Variants in RNASEH1 observed in about 807,000 individuals in gnomAD.
RNASEH1 encodes ribonuclease H type II.
In RNASEH1, 27 loss-of-function variants were observed where a neutral mutation model predicts 34.6. The observed-to-expected ratio is 0.78, with a 90% CI of 0.58 to 1.08. The LOEUF is 1.08. RNASEH1 is among the 50% of genes least tolerant of loss of function. RNASEH1 has a pLI of 0.00. For missense variants in RNASEH1, 349 were observed against 373.6 expected (o/e 0.93, Z 0.54); for synonymous variants, 162 against 138.4 (o/e 1.17, Z -1.20).
At chr2:3,556,308 G>GC (rs1372481369) in intron 2 of RNASEH1, among the ~76,000 whole-genome samples, 1 of 138,354 alleles carries the variant, frequency 7.2e-6, no homozygotes. Flanking sequence ...AACTATGTAA[G>GC]TTTTTTTTTT....
At chr2:3,550,548 C>G in intron 3 of RNASEH1, 76 bp from the exon 4 acceptor site, 1 of 1,097,282 alleles carries the variant, frequency 9.1e-7, no homozygotes, top group Non-Finnish European at 1.4e-6. Flanking sequence ...TCCACTAGGT[C>G]GACTTAGCAT....
At chr2:3,554,465 C>G (rs1660290658) in intron 2 of RNASEH1, among the ~76,000 whole-genome samples, 1 of 152,016 alleles carries the variant, frequency 6.6e-6, no homozygotes. Flanking sequence ...ACCATAAGAA[C>G]CAGTAAATAG....
chr2:3,556,671 A>G lies in RNASEH1; in HGVS notation c.244+118T>C, dbSNP rs1660533730. The G allele has an allele frequency of 2.8e-5, 18 of 652,320 alleles. 2 individuals carry two copies. The South Asian group carries it at 3.4e-4, about 12-fold the overall frequency. The allele number at this position is 652,320 out of a possible 1,614,324, so 40.4% of individuals were successfully genotyped here. ...GTCTGTTCCCTAATTTGTAAAATGAAAACAATCACACGAGGTTCCCTACAT... is the reference window on the plus strand; with the variant it reads ...GTCTGTTCCCTAATTTGTAAAATGAGAACAATCACACGAGGTTCCCTACAT... On this transcript the variant is annotated intron_variant, in intron 2 of 7. Coordinates refer to ENST00000315212, the MANE Select transcript of RNASEH1 (RefSeq NM_002936.6).
At position 3,545,754 on chromosome 2, in the gene RNASEH1, C is replaced by G; in HGVS notation, c.*31G>C. ...ACAGGCAGCAAGACAGCCGCTGGCT[C>G]AAGTTCTCCCAAGGACTAAAGTCAC... On this transcript the variant is annotated 3_prime_UTR_variant, in exon 8 of 8. Transcript: ENST00000315212. 1 of 1,517,108 alleles carries G rather than the reference C, an allele frequency of 6.6e-7. No individual in the cohort carries two copies. The highest frequency in any genetic ancestry group is 1.4e-5 in the African/African-American group (1 of 73,080). 94.0% of individuals were successfully genotyped at this position (1,517,108 alleles called of 1,614,324 possible). A position where few individuals can be genotyped will look rare whatever the true frequency, so the allele number is the denominator to read the frequency against.
rs760933993 is a variant in RNASEH1, at chr2:3,541,485, C to T, written c.*4300G>A. On this transcript the variant is annotated 3_prime_UTR_variant, in exon 8 of 8. Coordinates refer to ENST00000315212, the MANE Select transcript of RNASEH1 (RefSeq NM_002936.6). ...TTTTTATTTAGAAATTGGAAATAAT[C>T]GAAATATCGGTCAACAGGTAAATAA... Among the ~76,000 whole-genome samples, 3 of 152,052 alleles carry T rather than the reference C, an allele frequency of 2.0e-5. No individual in the cohort carries two copies. Among genetic ancestry groups the T allele is most frequent in the East Asian group, 1.9e-4 (1 of 5,194 alleles).
chr2:3,532,370 G>C, the RNASEH1 span: 985 of 702,164 alleles, frequency 1.4e-3, 10 homozygotes, highest in Middle Eastern at 0.011. Context: ...AGCCAGAGAG[G>C]GCCCGATCAG....
At chr2:3,554,183 G>A (rs762985382) in intron 2 of RNASEH1, among the ~76,000 whole-genome samples, 2 of 152,228 alleles carry the variant, frequency 1.3e-5, no homozygotes, top group African/African-American at 2.4e-5. Context: ...AACAGCTGGC[G>A]TTTCCACTGC....
Position 3,545,519 on chromosome 2 carries a change from A to G in RNASEH1, c.*266T>C. ...CCATTTGCCTTGCTTGCCTGCAATAAAACAAGCAAGGACAGTATTGAACCC... is the reference window on the plus strand; with the variant it reads ...CCATTTGCCTTGCTTGCCTGCAATAGAACAAGCAAGGACAGTATTGAACCC... On this transcript the variant is annotated 3_prime_UTR_variant, in exon 8 of 8. Transcript: ENST00000315212. 1 of 413,340 alleles carries G rather than the reference A, an allele frequency of 2.4e-6. No homozygotes were observed. Among genetic ancestry groups the G allele is most frequent in the South Asian group, 5.5e-5 (1 of 18,152 alleles). The allele number at this position is 413,340 out of a possible 1,614,324, so 25.6% of individuals were successfully genotyped here.
At chr2:3,552,065 C>T (rs1166098973) in intron 3 of RNASEH1, 79 bp downstream of exon 3, 1 of 1,168,954 alleles carries the variant, frequency 8.6e-7, no homozygotes, top group African/African-American at 1.6e-5. Context: ...AAACTCCCCC[C>T]ATCAAGTGGG....
chr2:3,532,238 A>T, the RNASEH1 span: 7 of 702,138 alleles, frequency 1.0e-5, no homozygotes, highest in Non-Finnish European at 1.8e-5. Context: ...CCGTCTGCAA[A>T]CATTTCTCAT....
chr2:3,555,627 C>T (rs1660414978), intron 2 of RNASEH1, among the ~76,000 whole-genome samples: 1 of 152,140 alleles, frequency 6.6e-6, no homozygotes, highest in African/African-American at 2.4e-5. Flanking sequence ...AGAGGCTGTT[C>T]AAGATAAGGT....
intron 7 of RNASEH1, among the ~76,000 whole-genome samples, chr2:3,546,829 A>T (rs1668798752): frequency 6.6e-6 from 1 of 152,222 alleles, no homozygotes; most frequent in South Asian, 2.1e-4. Context: ...TTTTTGTCAT[A>T]AAACAAAAAC....
chr2:3,548,883 T>C (rs978491895), intron 5 of RNASEH1, among the ~76,000 whole-genome samples, 159 bp from the exon 6 acceptor site: 3 of 152,192 alleles, frequency 2.0e-5, no homozygotes, highest in African/African-American at 7.2e-5. Flanking sequence ...AGACATCTAT[T>C]TGAAATAAGT....
intron 2 of RNASEH1, among the ~76,000 whole-genome samples, chr2:3,553,854 C>T (rs1660231029): frequency 6.6e-6 from 1 of 152,204 alleles, no homozygotes; most frequent in South Asian, 2.1e-4. Context: ...ACTCCGTCAA[C>T]TGAATTAAAC....
At chr2:3,555,687 G>T (rs930846454) in intron 2 of RNASEH1, among the ~76,000 whole-genome samples, 2 of 152,068 alleles carry the variant, frequency 1.3e-5, no homozygotes, top group African/African-American at 4.8e-5. Context: ...TAAAAAGTTT[G>T]TAAGTAACAT....
At chr2:3,546,125 C>T (rs1668726408) in intron 7 of RNASEH1, among the ~76,000 whole-genome samples, 1 of 152,202 alleles carries the variant, frequency 6.6e-6, no homozygotes, top group Admixed American at 6.5e-5. Context: ...CTATTTCCTC[C>T]CCACTTATCA....
At chr2:3,532,438 C>T in the RNASEH1 span, 9 of 685,668 alleles carry the variant, frequency 1.3e-5, no homozygotes, top group East Asian at 2.4e-4. Context: ...TCCCAAGGGG[C>T]CCCGTTACTC....
At position 3,558,162 on chromosome 2, in the gene RNASEH1, C is replaced by T. The variant is rs762723284; in HGVS notation, c.99G>A (p.Arg33=). The stretch of plus-strand genomic sequence containing the variant: ...TCAGAAAGACCCCGGTCTTGCGGCC[C>T]CTCCTCACGGCATAGAACATCCCGA... ...RGFGMFYAVR[R]GRKTGVFLTW... Residue 33 remains arginine (R), a synonymous_variant, in exon 1 of 8, where the codon AGG becomes AGA. Coordinates refer to ENST00000315212, the MANE Select transcript of RNASEH1 (RefSeq NM_002936.6). The T allele has an allele frequency of 4.1e-5, 65 of 1,603,100 alleles. No homozygotes were observed. The highest frequency in any genetic ancestry group is 8.5e-7 in the Non-Finnish European group (1 of 1,176,468).
At chr2:3,551,932 C>T (rs1435544727) in intron 3 of RNASEH1, among the ~76,000 whole-genome samples, 10 of 152,216 alleles carry the variant, frequency 6.6e-5, no homozygotes, top group Admixed American at 6.5e-4. Flanking sequence ...TGTTCATTTA[C>T]ATGTAAGGGT....
Sources: allele counts gnomAD v4.1 joint callset (sites outside exome capture counted in the v4.1 genomes callset), GRCh38; gene constraint gnomAD v4.1.1; transcripts MANE v1.5; gene names NCBI Gene and HGNC (gene_info 2026-07-23, HGNC 2026-07-21).